The following PHACTR4 variants were observed in gnomAD, a reference collection of about 807,000 sequenced individuals.
The protein encoded by PHACTR4 is protein phosphatase 1, regulatory subunit 124.
PHACTR4 carries 51 observed loss-of-function variants against 72.7 expected under a neutral mutation model. The ratio of observed to expected loss-of-function variants is 0.70; its 90% CI spans 0.56 to 0.89. The LOEUF (loss-of-function observed/expected upper bound fraction) is 0.89, where lower values mean the gene tolerates loss of function less well. Among genes scored for constraint, PHACTR4 ranks in the 40% least tolerant of loss-of-function variants. The pLI is 0.00. For synonymous variants in PHACTR4, 255 were observed against 302.5 expected (o/e 0.84, Z 1.63); for missense variants, 731 against 861.8 (o/e 0.85, Z 1.90).
chr1:28,405,686 T>A (rs1654271308), intron 1 of PHACTR4, among the ~76,000 whole-genome samples: 1 of 151,202 alleles, frequency 6.6e-6, no homozygotes, highest in Non-Finnish European at 1.5e-5. Flanking sequence ...CAGTTAGGAG[T>A]TCGAGACCAG....
intron 1 of PHACTR4, among the ~76,000 whole-genome samples, chr1:28,405,548 A>G (rs962316520): frequency 6.6e-6 from 1 of 151,036 alleles, no homozygotes; most frequent in African/African-American, 2.4e-5. Context: ...GCTGGTCTCA[A>G]ACTCCTGACC....
intron 4 of PHACTR4, among the ~76,000 whole-genome samples, 196 bp downstream of exon 4, chr1:28,460,488 G>T (rs904660537): frequency 4.6e-5 from 7 of 151,912 alleles, no homozygotes; most frequent in African/African-American, 7.3e-5. Flanking sequence ...TCAACTTTGT[G>T]CCAGCTACAA....
chr1:28,475,204 A>G (rs1229908965), intron 7 of PHACTR4, among the ~76,000 whole-genome samples: 1 of 150,624 alleles, frequency 6.6e-6, no homozygotes, highest in Non-Finnish European at 1.5e-5. Flanking sequence ...GCCTGCCTCA[A>G]CCTCCCAGAA....
chr1:28,431,878 G>GCACT (rs757220699), intron 2 of PHACTR4, among the ~76,000 whole-genome samples: 1 of 152,178 alleles, frequency 6.6e-6, no homozygotes, highest in African/African-American at 2.4e-5. Flanking sequence ...TCTCTGTTGA[G>GCACT]CACTACCTGT....
At chr1:28,457,692 C>G in intron 2 of PHACTR4, 1 of 320,926 alleles carries the variant, frequency 3.1e-6, no homozygotes, top group Non-Finnish European at 4.5e-6. Flanking sequence ...AAAAGTGTTA[C>G]TTGCTTCAGA....
intron 1 of PHACTR4, among the ~76,000 whole-genome samples, chr1:28,390,903 T>C (rs909498567): frequency 1.3e-5 from 2 of 151,974 alleles, no homozygotes; most frequent in African/African-American, 4.8e-5. Context: ...GAGACCAGCC[T>C]GGGCAACATG....
At chr1:28,473,217 G>A (rs992288619) in intron 6 of PHACTR4, among the ~76,000 whole-genome samples, 7 of 150,610 alleles carry the variant, frequency 4.6e-5, no homozygotes, top group Admixed American at 6.6e-5. Flanking sequence ...CAGAGGTTGC[G>A]GTAAGCCAAG....
intron 2 of PHACTR4, among the ~76,000 whole-genome samples, chr1:28,442,747 C>G (rs974613968): frequency 2.4e-4 from 36 of 152,178 alleles, no homozygotes; most frequent in African/African-American, 8.7e-4. Flanking sequence ...CTCAAGTGAT[C>G]CGCCTGCCTT....
chr1:28,453,718 G>C (rs1658152091), intron 2 of PHACTR4: 2 of 1,249,656 alleles, frequency 1.6e-6, no homozygotes, highest in East Asian at 4.7e-5. Context: ...ACCCATTTGA[G>C]GTTCTTCAGT....
intron 1 of PHACTR4, among the ~76,000 whole-genome samples, chr1:28,370,252 C>T (rs1003164142): frequency 1.3e-5 from 2 of 152,212 alleles, no homozygotes; most frequent in Non-Finnish European, 2.9e-5. Context: ...ACCGTCCTGC[C>T]TCAGACCTCT....
At chr1:28,442,139 G>A (rs1009754162) in intron 2 of PHACTR4, among the ~76,000 whole-genome samples, 4 of 152,220 alleles carry the variant, frequency 2.6e-5, no homozygotes, top group Middle Eastern at 3.4e-3. Flanking sequence ...GCACAAGACC[G>A]AAGAATTTTT....
At chr1:28,477,961 T>G (rs1660028943) in intron 8 of PHACTR4, among the ~76,000 whole-genome samples, 1 of 151,968 alleles carries the variant, frequency 6.6e-6, no homozygotes, top group South Asian at 2.1e-4. Flanking sequence ...GTGCTGCGAT[T>G]ACAGGCATGA....
chr1:28,397,040 T>C (rs955715325), intron 1 of PHACTR4, among the ~76,000 whole-genome samples: 1 of 152,082 alleles, frequency 6.6e-6, no homozygotes, highest in Non-Finnish European at 1.5e-5. Context: ...AATAACACTT[T>C]AGTTGTTCAG....
intron 2 of PHACTR4, among the ~76,000 whole-genome samples, chr1:28,426,929 G>T (rs1402279069): frequency 1.3e-5 from 2 of 152,150 alleles, no homozygotes; most frequent in Non-Finnish European, 2.9e-5. Context: ...AGATGGAAAT[G>T]TTCTGTATCT....
At position 28,423,011 on chromosome 1, in the gene PHACTR4, ACTC is replaced by A. The variant is rs539167138; in HGVS notation, c.16+15551_16+15553del. 8.5e-5 allele frequency among the ~76,000 whole-genome samples: 13 copies of A among 152,170 alleles called. No individual in the cohort carries two copies. In the South Asian group the frequency reaches 2.7e-3, roughly 32 times the overall value. ...CCCATGTTGACCAGGCTGGTCTCAA[ACTC>A]CTGACCTCAGGTAATCCGCCTGCCT... On this transcript the variant is annotated intron_variant, in intron 2 of 13. Coordinates refer to ENST00000373839, the MANE Select transcript of PHACTR4 (RefSeq NM_001048183.3).
At chr1:28,392,205 G>A (rs1245551291) in intron 1 of PHACTR4, among the ~76,000 whole-genome samples, 2 of 151,990 alleles carry the variant, frequency 1.3e-5, no homozygotes, top group Non-Finnish European at 2.9e-5. Flanking sequence ...GCCGTCCTGC[G>A]TATGTCATGA....
chr1:28,459,395 C>CTTTTT (rs367934288), intron 3 of PHACTR4, 137 bp downstream of exon 3: 61 of 282,624 alleles, frequency 2.2e-4, no homozygotes, highest in African/African-American at 4.0e-4. Flanking sequence ...TTTCCTTCTT[C>CTTTTT]TTTTTTTTTT....
chr1:28,409,662 C>T (rs1223522764), intron 2 of PHACTR4, among the ~76,000 whole-genome samples: 1 of 152,088 alleles, frequency 6.6e-6, no homozygotes, highest in East Asian at 1.9e-4. Flanking sequence ...AGTAAAAATA[C>T]TACTATATAA....
intron 1 of PHACTR4, among the ~76,000 whole-genome samples, chr1:28,404,474 G>A (rs906700127): frequency 4.0e-5 from 6 of 150,540 alleles, no homozygotes; most frequent in African/African-American, 1.5e-4. Flanking sequence ...GTAGAGACAG[G>A]GTTTCACCAT....
Sources: gnomAD v4.1 joint callset for allele counts (sites outside exome capture counted in the v4.1 genomes callset) on GRCh38, gnomAD v4.1.1 for gene constraint, MANE v1.5 for transcripts, NCBI Gene and HGNC (gene_info 2026-07-23, HGNC 2026-07-21) for gene names.